Variants in DIAPH3 observed in about 807,000 individuals in gnomAD.
DIAPH3 encodes diaphanous related formin 3.
In DIAPH3, 117 loss-of-function variants were observed where a neutral mutation model predicts 144.3. That is an observed-to-expected ratio of 0.81 (90% CI 0.70 to 0.95). The LOEUF (loss-of-function observed/expected upper bound fraction) is 0.95. Ranked by LOEUF, DIAPH3 falls within the 40% of genes least tolerant of loss-of-function variation. DIAPH3 has a pLI of 0.00. For synonymous variants in DIAPH3, 519 were observed against 488.9 expected (o/e 1.06, Z -0.81); for missense variants, 1,421 against 1,412.7 (o/e 1.01, Z -0.09).
At chr13:59,748,633 A>G (rs2036825948) in intron 27 of DIAPH3, among the ~76,000 whole-genome samples, 1 of 152,216 alleles carries the variant, frequency 6.6e-6, no homozygotes, top group African/African-American at 2.4e-5. Context: ...TCATTGCTAC[A>G]AGTGTTATTT....
intron 17 of DIAPH3, among the ~76,000 whole-genome samples, chr13:59,948,594 G>T (rs2140425038): frequency 6.6e-6 from 1 of 152,236 alleles, no homozygotes; most frequent in Admixed American, 6.5e-5. Context: ...TAGAGCTACA[G>T]GCATGGGTTT....
At chr13:59,679,756 A>G (rs1402197613) in intron 27 of DIAPH3, among the ~76,000 whole-genome samples, 2 of 152,168 alleles carry the variant, frequency 1.3e-5, no homozygotes, top group Non-Finnish European at 2.9e-5. Flanking sequence ...TTGGAGACCC[A>G]TATTGGCCAT....
chr13:60,021,277 T>C (rs966615501), intron 5 of DIAPH3, among the ~76,000 whole-genome samples: 8 of 152,234 alleles, frequency 5.3e-5, no homozygotes, highest in Non-Finnish European at 1.0e-4. Context: ...TCTAATCATG[T>C]AATTCTTAAT....
chr13:60,022,152 A>C (rs1242500904), intron 5 of DIAPH3, among the ~76,000 whole-genome samples: 1 of 152,142 alleles, frequency 6.6e-6, no homozygotes, highest in Non-Finnish European at 1.5e-5. Flanking sequence ...TTTTTGATAG[A>C]TTTCTTGAGA....
intron 4 of DIAPH3, among the ~76,000 whole-genome samples, chr13:60,070,194 T>C (rs2057145150): frequency 6.6e-6 from 1 of 152,084 alleles, no homozygotes; most frequent in Non-Finnish European, 1.5e-5. Flanking sequence ...AGTTTGTTCA[T>C]GTCTCAGTTA....
intron 21 of DIAPH3, among the ~76,000 whole-genome samples, chr13:59,868,682 AC>A (rs2044073316): frequency 1.3e-5 from 2 of 152,112 alleles, no homozygotes; most frequent in South Asian, 4.1e-4. Context: ...GAATAGTTTT[AC>A]CACCCTAAAA....
chr13:60,119,746 CAAAAAAAAAA>C (rs34356415), intron 2 of DIAPH3, among the ~76,000 whole-genome samples: 13 of 49,542 alleles, frequency 2.6e-4, no homozygotes, highest in South Asian at 1.0e-3. Flanking sequence ...GACTCCGTCT[CAAAAAAAAAA>C]AAAAAAAAAA....
chr13:59,729,496 G>C (rs2035773926), intron 27 of DIAPH3, among the ~76,000 whole-genome samples: 1 of 152,056 alleles, frequency 6.6e-6, no homozygotes, highest in Non-Finnish European at 1.5e-5. Context: ...GTGGAGCATG[G>C]GGTAGGGAGG....
At chr13:59,734,549 C>T (rs1427235433) in intron 27 of DIAPH3, among the ~76,000 whole-genome samples, 1 of 152,162 alleles carries the variant, frequency 6.6e-6, no homozygotes, top group African/African-American at 2.4e-5. Context: ...TGAGTTGCTA[C>T]AATCCGCTTT....
At chr13:60,017,361 G>A (rs1241739108) in intron 5 of DIAPH3, among the ~76,000 whole-genome samples, 5 of 148,648 alleles carry the variant, frequency 3.4e-5, no homozygotes, top group African/African-American at 1.0e-4. Flanking sequence ...CCGAGATCGC[G>A]CCATCGTACT....
chr13:60,138,347 T>C (rs2059343983), intron 1 of DIAPH3, among the ~76,000 whole-genome samples: 1 of 152,180 alleles, frequency 6.6e-6, no homozygotes, highest in South Asian at 2.1e-4. Flanking sequence ...TCCACCACTA[T>C]CAGCCATTAA....
chr13:59,835,688 A>C (rs922138293), intron 23 of DIAPH3, among the ~76,000 whole-genome samples: 3 of 151,720 alleles, frequency 2.0e-5, no homozygotes, highest in Admixed American at 2.0e-4. Context: ...AGAGAAGAAA[A>C]ATCTGCTACA....
chr13:60,142,783 G>A (rs2059454165), intron 1 of DIAPH3, among the ~76,000 whole-genome samples: 1 of 151,890 alleles, frequency 6.6e-6, no homozygotes, highest in Non-Finnish European at 1.5e-5. Context: ...TTAGAGACAG[G>A]GTCTTGCTGT....
chr13:60,057,341 A>G (rs1451405044), intron 4 of DIAPH3, among the ~76,000 whole-genome samples: 3 of 151,970 alleles, frequency 2.0e-5, no homozygotes, highest in South Asian at 4.1e-4. Flanking sequence ...TACTTAACCA[A>G]GGAGATGAAA....
intron 1 of DIAPH3, among the ~76,000 whole-genome samples, chr13:60,154,191 T>C (rs1436915753): frequency 6.6e-6 from 1 of 152,198 alleles, no homozygotes; most frequent in Admixed American, 6.5e-5. Flanking sequence ...AAAATTGTAC[T>C]ATTATTACTG....
At chr13:60,031,832 C>T (rs1482507147) in intron 5 of DIAPH3, among the ~76,000 whole-genome samples, 1 of 145,754 alleles carries the variant, frequency 6.9e-6, no homozygotes, top group African/African-American at 2.5e-5. Context: ...CAACCTCCGT[C>T]TCCCAGGTTC....
intron 27 of DIAPH3, among the ~76,000 whole-genome samples, chr13:59,758,953 A>ATTTTT (rs915956860): frequency 1.1e-4 from 14 of 130,140 alleles, no homozygotes; most frequent in Admixed American, 5.6e-4. Context: ...CTAATTTTGA[A>ATTTTT]TTTTTTTTTT....
intron 4 of DIAPH3, among the ~76,000 whole-genome samples, chr13:60,063,929 C>CA (rs900551516): frequency 4.5e-4 from 65 of 145,272 alleles, no homozygotes; most frequent in Admixed American, 8.2e-4. Flanking sequence ...ACCCCCAACT[C>CA]AAAAAAAAAA....
At chr13:60,134,924 AAGTAAG>A (rs1209943680) in intron 1 of DIAPH3, among the ~76,000 whole-genome samples, 3 of 152,188 alleles carry the variant, frequency 2.0e-5, no homozygotes, top group African/African-American at 4.8e-5. Flanking sequence ...ATATTTTAAA[AAGTAAG>A]AGTAAAAGAC....
Sources: allele counts gnomAD v4.1 joint callset (sites outside exome capture counted in the v4.1 genomes callset), GRCh38; gene constraint gnomAD v4.1.1; transcripts MANE v1.5; gene names NCBI Gene and HGNC (gene_info 2026-07-23, HGNC 2026-07-21).